SCUBE1: variants seen among roughly 807,000 people sequenced by gnomAD.
The protein encoded by SCUBE1 is signal peptide, CUB and EGF-like domain-containing protein 1.
A neutral mutation model predicts 124.4 loss-of-function variants in SCUBE1; 59 were observed. The observed-to-expected ratio is 0.47, with a 90% confidence interval of 0.38 to 0.59. SCUBE1 has a LOEUF of 0.59. SCUBE1 is among the 20% of genes least tolerant of loss of function. SCUBE1 has a pLI of 0.00. For synonymous variants in SCUBE1, 545 were observed against 550.9 expected (o/e 0.99, Z 0.15); for missense variants, 1,150 against 1,371.2 (o/e 0.84, Z 2.55).
intron 3 of SCUBE1, among the ~76,000 whole-genome samples, chr22:43,300,953 C>T (rs971301785): frequency 2.6e-5 from 4 of 152,126 alleles, no homozygotes; most frequent in African/African-American, 4.8e-5. Context: ...CTTCATGGGC[C>T]GCGTGCTGAA....
intron 16 of SCUBE1, chr22:43,213,454 A>C (rs555855573): frequency 6.6e-6 from 1 of 152,250 alleles, no homozygotes; most frequent in Non-Finnish European, 1.5e-5. Flanking sequence ...GGTGCTGAGA[A>C]CCTTCCCCGC....
Position 43,251,862 on chromosome 22 carries a change from A to T in SCUBE1, c.727+6357T>A, listed in dbSNP as rs922872964. On this transcript the variant is annotated intron_variant, in intron 6 of 21. Coordinates refer to ENST00000360835, the MANE Select transcript of SCUBE1 (RefSeq NM_173050.5). Reference sequence around the variant, plus strand: ...CACCTATCCTAAGCATGCTCCAGGGAGAGGGGCTTGATTGAAGACCTGGAG... The same window carrying T: ...CACCTATCCTAAGCATGCTCCAGGGTGAGGGGCTTGATTGAAGACCTGGAG... Among the ~76,000 whole-genome samples, 3 of 152,166 alleles carry T rather than the reference A, an allele frequency of 2.0e-5. No individual in the cohort carries two copies. In the East Asian group the frequency reaches 5.8e-4, roughly 29 times the overall value.
At position 43,211,547 on chromosome 22, in the gene SCUBE1, C is replaced by T. The variant is rs182468602; in HGVS notation, c.2222-464G>A. On this transcript the variant is annotated intron_variant, in intron 17 of 21. Transcript: ENST00000360835. The surrounding 1 kb of genome is among the most constrained non-coding windows in gnomAD (Gnocchi z 4.5). ...TTTTTTTTTTTTTTGAGATGGAGCT[C>T]GCTCCGTCACCCAGGCTGGAGTGCA... Among the ~76,000 whole-genome samples, 33 of 149,170 alleles carry T rather than the reference C, an allele frequency of 2.2e-4. No homozygotes were observed. The East Asian group carries it at 6.1e-3, about 28-fold the overall frequency.
intron 3 of SCUBE1, among the ~76,000 whole-genome samples, chr22:43,291,736 C>T (rs1208464343): frequency 2.0e-5 from 3 of 152,164 alleles, no homozygotes; most frequent in South Asian, 2.1e-4. Context: ...GGCTATGATG[C>T]TAGCTCACTC....
chr22:43,325,397 C>T (rs1000887491), intron 2 of SCUBE1, among the ~76,000 whole-genome samples: 4 of 146,936 alleles, frequency 2.7e-5, no homozygotes, highest in African/African-American at 7.7e-5. Context: ...GAGCCGAGAT[C>T]GCGCCGTTGC....
chr22:43,291,322 G>A lies in SCUBE1; in HGVS notation c.350-142C>T, dbSNP rs1925349408. 13 of 865,398 alleles carry A rather than the reference G, an allele frequency of 1.5e-5. No individual in the cohort carries two copies. In the East Asian group the frequency reaches 3.1e-4, roughly 21 times the overall value. The allele number at this position is 865,398 out of a possible 1,614,324, so 53.6% of individuals were successfully genotyped here. On this transcript the variant is annotated intron_variant, in intron 3 of 21. Transcript: ENST00000360835. ...CTCCAGAGAGGGCCTCCCTGGTGCTGTGTGATGGTGATACTGTACAGTGGG... is the reference window on the plus strand; with the variant it reads ...CTCCAGAGAGGGCCTCCCTGGTGCTATGTGATGGTGATACTGTACAGTGGG...
intron 2 of SCUBE1, among the ~76,000 whole-genome samples, chr22:43,326,578 A>G (rs747356624): frequency 2.0e-5 from 3 of 152,120 alleles, no homozygotes; most frequent in Non-Finnish European, 2.9e-5. Flanking sequence ...TGCAGAGACA[A>G]TGCCAGAAGT....
intron 4 of SCUBE1, among the ~76,000 whole-genome samples, chr22:43,285,003 G>A (rs1436432723): frequency 1.3e-5 from 2 of 152,152 alleles, no homozygotes; most frequent in African/African-American, 4.8e-5. Context: ...AACTCCGAAC[G>A]TTAACCAGAA....
chr22:43,325,787 A>T (rs1926707750), intron 2 of SCUBE1, among the ~76,000 whole-genome samples: 1 of 152,186 alleles, frequency 6.6e-6, no homozygotes, highest in Non-Finnish European at 1.5e-5. Flanking sequence ...AGAGAAAAGC[A>T]GCACAGAGAA....
chr22:43,223,161 G>T lies in SCUBE1; in HGVS notation c.1263C>A (p.Cys421Ter). Residue 421 changes from cysteine to a stop codon, truncating the protein, a stop_gained, in exon 11 of 22, where the codon TGC (cysteine) becomes TGA (stop). Coordinates refer to ENST00000360835, the MANE Select transcript of SCUBE1 (RefSeq NM_173050.5). LOFTEE classifies it high-confidence loss of function. ...AKTSPRAQLS[C>*]SKAGGVESCF... The stretch of plus-strand genomic sequence containing the variant: ...AGCTCTCCACACCGCCTGCCTTGCT[G>T]CAGGACAGCTGGGCCCGGGGGGAGG... 1 of 1,564,628 alleles carries T rather than the reference G, an allele frequency of 6.4e-7. No homozygotes were observed. Among genetic ancestry groups the T allele is most frequent in the Non-Finnish European group, 8.6e-7 (1 of 1,164,736 alleles).
At chr22:43,336,508 A>G (rs12157882) in intron 2 of SCUBE1, among the ~76,000 whole-genome samples, 1 of 152,150 alleles carries the variant, frequency 6.6e-6, no homozygotes, top group African/African-American at 2.4e-5. Context: ...CACGGCTACA[A>G]ATGTAAAAGA....
At chr22:43,279,441 T>C (rs898103289) in intron 4 of SCUBE1, among the ~76,000 whole-genome samples, 1 of 152,228 alleles carries the variant, frequency 6.6e-6, no homozygotes, top group Non-Finnish European at 1.5e-5. Context: ...AGTAAGCATG[T>C]GCTACGGTCT....
chr22:43,215,208 ATG>A (rs1424673958), intron 15 of SCUBE1, among the ~76,000 whole-genome samples: 1 of 152,172 alleles, frequency 6.6e-6, no homozygotes, highest in Non-Finnish European at 1.5e-5. Flanking sequence ...GGCTCGCAGC[ATG>A]TGTGTGGCAG....
In SCUBE1 at chr22:43,223,143, C is replaced by A; in HGVS notation, c.1281G>T (p.Val427=). The part of the protein sequence containing the change: ...AQLSCSKAGG[V]ESCFLSCPAH... ...CCGGGCAGGAAAGGAAGCAGCTCTC[C>A]ACACCGCCTGCCTTGCTGCAGGACA... The change falls in exon 11 of 22, where the codon GTG becomes GTT. Residue 427 remains valine (V), a synonymous_variant. Coordinates refer to ENST00000360835, the MANE Select transcript of SCUBE1 (RefSeq NM_173050.5). The A allele has an allele frequency of 6.4e-7, 1 of 1,558,648 alleles. No individual in the cohort carries two copies. Among genetic ancestry groups the A allele is most frequent in the South Asian group, 1.2e-5 (1 of 81,794 alleles).
At chr22:43,241,248 TC>T (rs1233312096) in intron 6 of SCUBE1, among the ~76,000 whole-genome samples, 1 of 152,026 alleles carries the variant, frequency 6.6e-6, no homozygotes, top group Admixed American at 6.5e-5. Flanking sequence ...GGGCTCTTAG[TC>T]CCTTAGGGCC....
At position 43,255,439 on chromosome 22, in the gene SCUBE1, C is replaced by G; in HGVS notation, c.727+2780G>C. ...CGCACCCGAGACACACATGTGCACA[C>G]ACACACACAAGTGCAAGTACGACAA... On this transcript the variant is annotated intron_variant, in intron 6 of 21. Transcript: ENST00000360835. The surrounding 1 kb of genome is among the most constrained non-coding windows in gnomAD (Gnocchi z 4.7). 2.0e-6 allele frequency: 3 copies of G among 1,475,410 alleles called. No homozygotes were observed. The highest frequency in any genetic ancestry group is 2.8e-6 in the Non-Finnish European group (3 of 1,078,560). The allele number at this position is 1,475,410 out of a possible 1,614,324, so 91.4% of individuals were successfully genotyped here. A position where few individuals can be genotyped will look rare whatever the true frequency, so the allele number is the denominator to read the frequency against.
At chr22:43,342,115 C>A (rs750469292) in intron 1 of SCUBE1, among the ~76,000 whole-genome samples, 3 of 151,968 alleles carry the variant, frequency 2.0e-5, no homozygotes, top group Non-Finnish European at 4.4e-5. Context: ...CTCAGGAAGC[C>A]GGGAAGGACG....
chr22:43,223,334 G>A, intron 10 of SCUBE1, 118 bp from the exon 11 acceptor site: 2 of 1,241,694 alleles, frequency 1.6e-6, no homozygotes, highest in Non-Finnish European at 2.2e-6. Context: ...TCCATGGCTG[G>A]GCTGGCTTGG....
intron 4 of SCUBE1, among the ~76,000 whole-genome samples, chr22:43,289,323 C>T (rs974344158): frequency 1.3e-5 from 2 of 152,208 alleles, no homozygotes; most frequent in South Asian, 4.1e-4. Flanking sequence ...GGCAGCTTGG[C>T]CCCACAGCCC....
Sources: allele counts gnomAD v4.1 joint callset (sites outside exome capture counted in the v4.1 genomes callset), GRCh38; gene constraint gnomAD v4.1.1; non-coding constraint Gnocchi (gnomAD v3.1); transcripts MANE v1.5; gene names NCBI Gene and HGNC (gene_info 2026-07-23, HGNC 2026-07-21).